Variants in CUX1 observed in about 807,000 individuals in gnomAD.
The protein encoded by CUX1 is cut like homeobox 1, also known as protein CASP.
Under a neutral mutation model 158.8 loss-of-function variants are expected in CUX1, and 31 were observed. The ratio of observed to expected loss-of-function variants is 0.20; its 90% CI spans 0.15 to 0.26. The LOEUF (loss-of-function observed/expected upper bound fraction) is 0.26, where lower values mean the gene tolerates loss of function less well. CUX1 is among the 10% of genes least tolerant of loss of function. CUX1 has a pLI of 1.00. For synonymous variants in CUX1, 879 were observed against 862.1 expected (o/e 1.02, Z -0.34); for missense variants, 1,589 against 2,014.6 (o/e 0.79, Z 4.04).
At chr7:102,128,685 T>G (rs894602407) in intron 8 of CUX1, among the ~76,000 whole-genome samples, 1 of 151,850 alleles carries the variant, frequency 6.6e-6, no homozygotes, top group Non-Finnish European at 1.5e-5. Context: ...CTTAGTATTT[T>G]CATAAGTGAA....
intron 1 of CUX1, among the ~76,000 whole-genome samples, chr7:101,826,100 C>T (rs1040033951): frequency 6.6e-6 from 1 of 152,112 alleles, no homozygotes; most frequent in Non-Finnish European, 1.5e-5. Context: ...CTTTTCCATC[C>T]CAGCTAGAAT....
chr7:102,280,872 C>A (rs1244797543), intron 20 of CUX1: 2 of 1,609,026 alleles, frequency 1.2e-6, no homozygotes, highest in African/African-American at 2.7e-5. Flanking sequence ...TGAGTCCCTG[C>A]CCCTACCCAC....
chr7:102,028,639 G>A (rs1360638376), intron 3 of CUX1, among the ~76,000 whole-genome samples: 2 of 152,178 alleles, frequency 1.3e-5, no homozygotes, highest in Non-Finnish European at 2.9e-5. Context: ...CTCAGTAGAA[G>A]GAAGTGGTTT....
intron 6 of CUX1, among the ~76,000 whole-genome samples, chr7:102,108,551 T>C (rs1830594638): frequency 6.6e-6 from 1 of 152,134 alleles, no homozygotes; most frequent in Non-Finnish European, 1.5e-5. Context: ...TTGCTCAGGC[T>C]GGTTTCAAAC....
intron 2 of CUX1, among the ~76,000 whole-genome samples, chr7:101,998,807 A>G (rs1030608415): frequency 2.0e-5 from 3 of 152,032 alleles, no homozygotes; most frequent in Admixed American, 1.3e-4. Context: ...CTCCCTCTAA[A>G]CGTCAGTGTC....
upstream of CUX1, chr7:101,816,027 CA>C: frequency 7.0e-7 from 1 of 1,428,202 alleles, no homozygotes; most frequent in South Asian, 1.2e-5. Context: ...CAATATGTCT[CA>C]AGATGGCGGC....
Position 101,821,849 on chromosome 7 carries a change from G to GTTTT in CUX1, c.30+4184_30+4187dup, listed in dbSNP as rs763323114. On this transcript the variant is annotated intron_variant, in intron 1 of 23. Transcript: ENST00000292535. ...GCCACCATGCCTGGCTAGTTTTTTT[G>GTTTT]TTTTTTTGTTTTTTTTTTTTTTTGA... Among the ~76,000 whole-genome samples the GTTTT allele has an allele frequency of 1.6e-4, 11 of 69,802 alleles. 1 individual carries two copies. The highest frequency in any genetic ancestry group is 3.0e-4 in the Admixed American group (2 of 6,718). 45.8% of individuals were successfully genotyped at this position (69,802 alleles called of 152,430 possible).
intron 20 of CUX1, among the ~76,000 whole-genome samples, chr7:102,210,364 T>TAGGATTA (rs1796395703): frequency 6.6e-6 from 1 of 152,226 alleles, no homozygotes; most frequent in Non-Finnish European, 1.5e-5. Flanking sequence ...CCCAAAGTGC[T>TAGGATTA]AGGATTACAG....
intron 8 of CUX1, among the ~76,000 whole-genome samples, chr7:102,132,322 C>T (rs1273782973): frequency 0.018 from 1 of 56 alleles, no homozygotes; most frequent in Non-Finnish European, 0.083. Context: ...CGCGCGCGCG[C>T]GCACGCCACG....
At chr7:101,947,464 C>T (rs919181712) in intron 2 of CUX1, among the ~76,000 whole-genome samples, 3 of 152,198 alleles carry the variant, frequency 2.0e-5, no homozygotes, top group African/African-American at 7.2e-5. Flanking sequence ...TACCCCATAT[C>T]CAACCATAAG....
At chr7:102,215,285 T>G (rs1796942506) in intron 20 of CUX1, among the ~76,000 whole-genome samples, 1 of 135,394 alleles carries the variant, frequency 7.4e-6, no homozygotes, top group East Asian at 2.1e-4. Context: ...CTGTCCAGAG[T>G]GCCTGGAGCT....
chr7:102,200,312 G>A (rs889350150), intron 17 of CUX1, 140 bp downstream of exon 17: 1 of 644,188 alleles, frequency 1.6e-6, no homozygotes, highest in Admixed American at 3.3e-5. Context: ...CACGTAGAGA[G>A]AAGCAGGTCT....
intron 6 of CUX1, among the ~76,000 whole-genome samples, chr7:102,110,759 T>A (rs1268508057): frequency 1.3e-5 from 2 of 152,220 alleles, no homozygotes; most frequent in African/African-American, 2.4e-5. Context: ...GTATGTTACA[T>A]ATTTGTTTAT....
intron 11 of CUX1, 60 bp downstream of exon 11, chr7:102,178,717 C>G (rs116425733): frequency 2.7e-6 from 4 of 1,497,006 alleles, no homozygotes; most frequent in Admixed American, 2.0e-5. Flanking sequence ...GCTGGACACA[C>G]GCGCACACAC....
intron 8 of CUX1, among the ~76,000 whole-genome samples, chr7:102,138,681 T>A (rs1554499346): frequency 6.6e-6 from 1 of 152,198 alleles, no homozygotes; most frequent in African/African-American, 2.4e-5. Flanking sequence ...TATAAGATAC[T>A]CTGGACCTAC....
At position 102,256,479 on chromosome 7, in the gene CUX1, G is replaced by C; in HGVS notation, c.*7437G>C. ...TCCTCTCCTCCCCTACTCCCCCAGA[G>C]AACCAAGGCGTCTGGGGGATTGACT... On this transcript the variant is annotated 3_prime_UTR_variant, in exon 24 of 24. Coordinates refer to ENST00000292535, the MANE Select transcript of CUX1 (RefSeq NM_181552.4). The C allele has an allele frequency of 1.0e-6, 1 of 985,364 alleles. No homozygotes were observed. The highest frequency in any genetic ancestry group is 1.2e-6 in the Non-Finnish European group (1 of 829,932). The allele number at this position is 985,364 out of a possible 1,614,324, so 61.0% of individuals were successfully genotyped here.
intron 2 of CUX1, among the ~76,000 whole-genome samples, chr7:101,929,458 A>C (rs778094548): frequency 2.0e-5 from 3 of 152,196 alleles, no homozygotes; most frequent in Non-Finnish European, 2.9e-5. Context: ...ATGCATTCTG[A>C]ATGGAGAACG....
intron 1 of CUX1, among the ~76,000 whole-genome samples, chr7:101,895,397 G>A (rs1801362066): frequency 1.3e-5 from 2 of 152,156 alleles, no homozygotes; most frequent in African/African-American, 2.4e-5. Flanking sequence ...GGAAACCAAT[G>A]GTCTGGGTGA....
At chr7:101,876,697 A>G (rs911046186) in intron 1 of CUX1, among the ~76,000 whole-genome samples, 1 of 152,200 alleles carries the variant, frequency 6.6e-6, no homozygotes, top group African/African-American at 2.4e-5. Flanking sequence ...CCGTCTAAAA[A>G]AAAAAAGAAA....
Sources: allele counts gnomAD v4.1 joint callset (sites outside exome capture counted in the v4.1 genomes callset), GRCh38; gene constraint gnomAD v4.1.1; transcripts MANE v1.5; gene names NCBI Gene and HGNC (gene_info 2026-07-23, HGNC 2026-07-21).